The following RNF185 variants were observed in gnomAD, a reference collection of about 807,000 sequenced individuals.
RNF185 encodes the protein ring finger protein 185.
A neutral mutation model predicts 24.9 loss-of-function variants in RNF185; 13 were observed. That is an observed-to-expected ratio of 0.52 (90% CI 0.34 to 0.83). RNF185 has a LOEUF of 0.83. RNF185 is among the 40% of genes least tolerant of loss of function. RNF185 has a pLI of 0.01. For synonymous variants in RNF185, 79 were observed against 90.3 expected (o/e 0.88, Z 0.71); for missense variants, 184 against 244.7 (o/e 0.75, Z 1.65).
intron 5 of RNF185, 92 bp from the exon 6 acceptor site, chr22:31,201,406 C>A: frequency 1.1e-6 from 1 of 899,946 alleles, no homozygotes; most frequent in Non-Finnish European, 1.9e-6. Flanking sequence ...GCAGGTGCCA[C>A]ATGCAAGACA....
chr22:31,161,873 C>T (rs1442716663), intron 1 of RNF185, among the ~76,000 whole-genome samples: 1 of 139,452 alleles, frequency 7.2e-6, no homozygotes, highest in African/African-American at 2.6e-5. Flanking sequence ...TGACAAGTTC[C>T]AGCTTTTTTT....
At chr22:31,177,559 G>GTGA (rs980080663) in intron 1 of RNF185, among the ~76,000 whole-genome samples, 4 of 152,166 alleles carry the variant, frequency 2.6e-5, no homozygotes, top group Non-Finnish European at 5.9e-5. Context: ...TTCTATGAGT[G>GTGA]TGATGTAGAC....
At chr22:31,170,810 A>G (rs2047921557) in intron 1 of RNF185, among the ~76,000 whole-genome samples, 2 of 152,012 alleles carry the variant, frequency 1.3e-5, no homozygotes, top group African/African-American at 4.8e-5. Context: ...ACGCCTGGCC[A>G]GGTTTTTATT....
chr22:31,195,308 A>C (rs1298865750), intron 3 of RNF185, among the ~76,000 whole-genome samples, 161 bp from the exon 4 acceptor site: 1 of 152,164 alleles, frequency 6.6e-6, no homozygotes, highest in African/African-American at 2.4e-5. Context: ...TATTTGCTGA[A>C]TGGTAGGAGA....
chr22:31,202,779 A>AT (rs1300771951), intron 6 of RNF185, among the ~76,000 whole-genome samples: 1 of 151,488 alleles, frequency 6.6e-6, no homozygotes, highest in Non-Finnish European at 1.5e-5. Context: ...CGCCTGGCTA[A>AT]TTTTTTTGTA....
Position 31,205,077 on chromosome 22 carries a change from G to A in RNF185, c.*491G>A, listed in dbSNP as rs947025211. ...CCCTTTCAAATCCCAGTGCCGCTCT[G>A]TTCTCTTTCCTTCCCCTCCCACTCC... is the stretch of plus-strand genomic sequence containing the variant. On this transcript the variant is annotated 3_prime_UTR_variant, in exon 7 of 7. Coordinates refer to ENST00000326132, the MANE Select transcript of RNF185 (RefSeq NM_152267.4). 5.7e-6 allele frequency: 1 copy of A among 176,176 alleles called. No homozygotes were observed. Among genetic ancestry groups the A allele is most frequent in the African/African-American group, 2.4e-5 (1 of 41,624 alleles). 10.9% of individuals were successfully genotyped at this position (176,176 alleles called of 1,614,324 possible).
At chr22:31,165,001 C>G (rs1923827259) in intron 1 of RNF185, among the ~76,000 whole-genome samples, 1 of 152,078 alleles carries the variant, frequency 6.6e-6, no homozygotes, top group African/African-American at 2.4e-5. Context: ...ACATCTGCCT[C>G]CCAGGTTCAA....
chr22:31,173,434 C>CACAG (rs2047950930), intron 1 of RNF185, among the ~76,000 whole-genome samples: 1 of 151,546 alleles, frequency 6.6e-6, no homozygotes, highest in Admixed American at 6.6e-5. Context: ...CACACACACA[C>CACAG]ACACACACGT....
intron 3 of RNF185, among the ~76,000 whole-genome samples, chr22:31,194,951 T>C (rs1005419905): frequency 6.6e-6 from 1 of 151,504 alleles, no homozygotes; most frequent in Non-Finnish European, 1.5e-5. Flanking sequence ...CTAATTGTGA[T>C]GATTTTTTTT....
intron 1 of RNF185, among the ~76,000 whole-genome samples, chr22:31,163,679 T>TATTTATTC: frequency 6.6e-6 from 1 of 150,896 alleles, no homozygotes; most frequent in East Asian, 1.9e-4. Context: ...TTTATTTATT[T>TATTTATTC]ATTTATTTAT....
chr22:31,178,195 C>A (rs1054053423), intron 1 of RNF185, among the ~76,000 whole-genome samples: 2 of 152,212 alleles, frequency 1.3e-5, no homozygotes, highest in African/African-American at 4.8e-5. Context: ...TTAAAATGAT[C>A]AGCTGTGTTC....
At chr22:31,167,610 CTTTTTT>C (rs150121453) in intron 1 of RNF185, among the ~76,000 whole-genome samples, 1 of 107,364 alleles carries the variant, frequency 9.3e-6, no homozygotes, top group African/African-American at 4.0e-5. Flanking sequence ...GGGTTTTTTC[CTTTTTT>C]TTTTTTTTTT....
At chr22:31,171,231 G>A (rs1388498437) in intron 1 of RNF185, among the ~76,000 whole-genome samples, 2 of 150,928 alleles carry the variant, frequency 1.3e-5, no homozygotes, top group Non-Finnish European at 2.9e-5. Flanking sequence ...GTGCAATGGC[G>A]CCATCTTGGC....
chr22:31,177,093 C>T (rs2047990214), intron 1 of RNF185, among the ~76,000 whole-genome samples: 1 of 152,104 alleles, frequency 6.6e-6, no homozygotes, highest in African/African-American at 2.4e-5. Flanking sequence ...GCTGCCTTAC[C>T]ATGAATTATG....
chr22:31,160,664 ACAG>A (rs1265014046), intron 1 of RNF185, among the ~76,000 whole-genome samples: 3 of 152,116 alleles, frequency 2.0e-5, no homozygotes, highest in African/African-American at 7.2e-5. Context: ...AGCGCGGTGA[ACAG>A]AGTTGGGCTG....
rs929536789 is a variant in RNF185, at chr22:31,174,988, G to T, written c.-48-12059G>T. Among the ~76,000 whole-genome samples, 17 of 151,570 alleles carry T rather than the reference G, an allele frequency of 1.1e-4. 1 individual carries two copies. Among genetic ancestry groups the T allele is most frequent in the Non-Finnish European group, 8.8e-5 (6 of 67,932 alleles). Reference sequence around the variant, plus strand: ...CTTGGGAGGCTGAGATGGGAGGATCGCTTGAACCCAGGAGGCAGAGGTTGC... The same window carrying T: ...CTTGGGAGGCTGAGATGGGAGGATCTCTTGAACCCAGGAGGCAGAGGTTGC... On this transcript the variant is annotated intron_variant, in intron 1 of 6. Coordinates refer to ENST00000326132, the MANE Select transcript of RNF185 (RefSeq NM_152267.4).
intron 3 of RNF185, among the ~76,000 whole-genome samples, chr22:31,192,975 A>AT (rs1265542741): frequency 1.3e-5 from 2 of 152,130 alleles, no homozygotes; most frequent in African/African-American, 4.8e-5. Flanking sequence ...GGTCCTTTTT[A>AT]TTTTTGAGAT....
chr22:31,186,666 C>A (rs1352580854), intron 1 of RNF185, among the ~76,000 whole-genome samples: 1 of 152,128 alleles, frequency 6.6e-6, no homozygotes, highest in Non-Finnish European at 1.5e-5. Context: ...GCAGATTCAC[C>A]CATCAATATA....
In RNF185 at chr22:31,195,582, G is replaced by C; in HGVS notation, c.308+1G>C. On this transcript the variant is annotated splice_donor_variant, in intron 4 of 6. Transcript: ENST00000326132. LOFTEE classifies it high-confidence loss of function. Reference sequence around the variant, plus strand: ...GCAGCACTGGGCAACAGGACCCCAGGTGAGGACTCAGGATGCCTCTCCCAA... The same window carrying C: ...GCAGCACTGGGCAACAGGACCCCAGCTGAGGACTCAGGATGCCTCTCCCAA... 6.3e-7 allele frequency: 1 copy of C among 1,596,040 alleles called. No individual in the cohort carries two copies. The highest frequency in any genetic ancestry group is 8.6e-7 in the Non-Finnish European group (1 of 1,169,450).
Sources: gnomAD v4.1 joint callset for allele counts (sites outside exome capture counted in the v4.1 genomes callset) on GRCh38, gnomAD v4.1.1 for gene constraint, MANE v1.5 for transcripts, NCBI Gene and HGNC (gene_info 2026-07-23, HGNC 2026-07-21) for gene names.